The following CHST9 variants were observed in gnomAD, a reference collection of about 807,000 sequenced individuals.
CHST9 encodes the protein carbohydrate sulfotransferase 9.
CHST9 carries 41 observed loss-of-function variants against 44.4 expected under a neutral mutation model. That is an observed-to-expected ratio of 0.92 (90% CI 0.72 to 1.20). CHST9 has a LOEUF of 1.20. CHST9 is among the 50% of genes most tolerant of loss of function. The pLI is 0.00. For missense variants in CHST9, 504 were observed against 516.5 expected, an observed-to-expected ratio of 0.98 and a Z score of 0.23; for synonymous variants, 171 against 178.4, an observed-to-expected ratio of 0.96 and a Z score of 0.33.
chr18:27,158,115 T>A (rs2058712313), intron 1 of CHST9, among the ~76,000 whole-genome samples: 2 of 152,318 alleles, frequency 1.3e-5, no homozygotes, highest in African/African-American at 4.8e-5. Context: ...TTTGTTTTTT[T>A]AATTATACTT....
intron 4 of CHST9, among the ~76,000 whole-genome samples, chr18:27,008,611 C>T (rs2057045370): frequency 2.6e-5 from 4 of 152,108 alleles, no homozygotes; most frequent in Admixed American, 2.6e-4. Flanking sequence ...GTTGACAATC[C>T]TTAATTGGAA....
At chr18:27,067,016 T>A (rs1171382850) in intron 2 of CHST9, among the ~76,000 whole-genome samples, 1 of 152,164 alleles carries the variant, frequency 6.6e-6, no homozygotes, top group African/African-American at 2.4e-5. Flanking sequence ...AAGATAGAAT[T>A]ATCTATATTC....
chr18:27,077,014 G>A (rs996940825), intron 2 of CHST9, among the ~76,000 whole-genome samples: 19 of 152,064 alleles, frequency 1.2e-4, no homozygotes, highest in African/African-American at 1.9e-4. Flanking sequence ...ACTAGAAAAG[G>A]CAGTCCATCT....
intron 4 of CHST9, among the ~76,000 whole-genome samples, chr18:26,958,043 C>T (rs1370715787): frequency 8.0e-6 from 1 of 124,780 alleles, no homozygotes; most frequent in African/African-American, 2.7e-5. Flanking sequence ...TGCACCACCA[C>T]ACCTGGCTAA....
chr18:26,994,058 T>C (rs2056856581), intron 4 of CHST9, among the ~76,000 whole-genome samples: 2 of 152,218 alleles, frequency 1.3e-5, no homozygotes, highest in African/African-American at 4.8e-5. Flanking sequence ...TTGCCTCTTA[T>C]AAGAATGACT....
rs368326527 is a variant in CHST9, at chr18:26,917,299, G to C, written c.292C>G (p.Leu98Val). The change falls in exon 6 of 6, where the codon CTA becomes GTA. Residue 98 changes from leucine (L) to valine (V), a missense_variant. Leu to Val is a conservative substitution (Grantham distance 32). Coordinates refer to ENST00000618847, the MANE Select transcript of CHST9 (RefSeq NM_031422.6). The stretch of plus-strand genomic sequence containing the variant: ...CTAGTAGATCTCTCAGAATTGAGTA[G>C]AAGATTTTCCTTTTTTTCTCGTACA... ...EDVREKKENL[L>V]LNSERSTRLL... 6.2e-7 allele frequency: 1 copy of C among 1,612,774 alleles called. No individual in the cohort carries two copies. Among genetic ancestry groups the C allele is most frequent in the Admixed American group, 1.7e-5 (1 of 59,828 alleles).
At chr18:27,064,545 T>C (rs1468316273) in intron 2 of CHST9, among the ~76,000 whole-genome samples, 1 of 152,238 alleles carries the variant, frequency 6.6e-6, no homozygotes, top group Non-Finnish European at 1.5e-5. Context: ...GATGCCCTCA[T>C]GGATGGCGGA....
intron 4 of CHST9, among the ~76,000 whole-genome samples, chr18:27,008,200 G>C (rs1014216836): frequency 1.3e-5 from 2 of 152,164 alleles, no homozygotes; most frequent in Non-Finnish European, 2.9e-5. Flanking sequence ...GAAGATATCA[G>C]AGATAGATCT....
rs533390598 is a variant in CHST9, at chr18:26,916,514, C to T, written c.1077G>A (p.Pro359=). The part of the protein sequence containing the change: ...HWEKVSKLCY[P]CLINYDFVGK... The stretch of plus-strand genomic sequence containing the variant: ...CTACAAAATCATAGTTGATCAAACA[C>T]GGATAGCAGAGTTTGCTGACCTTTT... Residue 359 remains proline, a synonymous_variant, in exon 6 of 6, where the codon CCG becomes CCA. Coordinates refer to ENST00000618847, the MANE Select transcript of CHST9 (RefSeq NM_031422.6). 2.2e-5 allele frequency: 36 copies of T among 1,613,702 alleles called. No homozygotes were observed. Among genetic ancestry groups the T allele is most frequent in the African/African-American group, 1.1e-4 (8 of 74,898 alleles).
chr18:26,923,931 G>A (rs552689453), intron 5 of CHST9, among the ~76,000 whole-genome samples: 1 of 152,308 alleles, frequency 6.6e-6, no homozygotes, highest in African/African-American at 2.4e-5. Flanking sequence ...GCCAGAGATG[G>A]CAAGGGCTGT....
In CHST9 at chr18:27,142,937, A is replaced by G. The variant is rs550168881; in HGVS notation, c.-96-32T>C. 3 of 777,748 alleles carry G rather than the reference A, an allele frequency of 3.9e-6. No individual in the cohort carries two copies. The South Asian group carries it at 7.1e-5, about 18-fold the overall frequency. 48.2% of individuals were successfully genotyped at this position (777,748 alleles called of 1,614,324 possible). ...TTTTAAAAAGAAATCTACATTGTAC[A>G]TTTCTGCTAATATTAATTCTCAAAT... On this transcript the variant is annotated intron_variant, in intron 1 of 5. Coordinates refer to ENST00000618847, the MANE Select transcript of CHST9 (RefSeq NM_031422.6).
intron 2 of CHST9, among the ~76,000 whole-genome samples, chr18:27,105,775 G>C (rs2058215547): frequency 6.6e-6 from 1 of 152,026 alleles, no homozygotes; most frequent in Non-Finnish European, 1.5e-5. Flanking sequence ...ATTTGGACCA[G>C]AAATGTGCTT....
chr18:26,969,376 C>CTGTGTGTGTG lies in CHST9; in HGVS notation c.203-25020_203-25011dup, dbSNP rs1208856677. Among the ~76,000 whole-genome samples, 361 of 95,678 alleles carry CTGTGTGTGTG rather than the reference C, an allele frequency of 3.8e-3. 1 individual carries two copies. Among genetic ancestry groups the CTGTGTGTGTG allele is most frequent in the African/African-American group, 9.2e-3 (315 of 34,296 alleles). The allele number at this position is 95,678 out of a possible 152,430, so 62.8% of individuals were successfully genotyped here. A position where few individuals can be genotyped will look rare whatever the true frequency, so the allele number is the denominator to read the frequency against. On this transcript the variant is annotated intron_variant, in intron 4 of 5. Transcript: ENST00000618847. ...CTTTTTTGATTCTCTCTCTCTCTCT[C>CTGTGTGTGTG]TGTGTGTGTGTGTGTGTGTGTGTGT...
intron 5 of CHST9, among the ~76,000 whole-genome samples, chr18:26,927,451 A>G (rs1486643920): frequency 6.6e-6 from 1 of 152,212 alleles, no homozygotes; most frequent in South Asian, 2.1e-4. Context: ...ATTGATTATT[A>G]TCTCTACCAT....
At chr18:26,951,011 A>G (rs1413159133) in intron 4 of CHST9, among the ~76,000 whole-genome samples, 1 of 152,240 alleles carries the variant, frequency 6.6e-6, no homozygotes, top group African/African-American at 2.4e-5. Context: ...CCGGCAGATT[A>G]AGTGGAGAGT....
chr18:27,018,632 A>T (rs2057183241), intron 4 of CHST9, among the ~76,000 whole-genome samples: 1 of 152,180 alleles, frequency 6.6e-6, no homozygotes, highest in Non-Finnish European at 1.5e-5. Context: ...TTAGGCTACA[A>T]ATCTGAAGAT....
At chr18:27,179,560 G>C (rs1198913505) in intron 1 of CHST9, among the ~76,000 whole-genome samples, 1 of 152,082 alleles carries the variant, frequency 6.6e-6, no homozygotes, top group East Asian at 1.9e-4. Flanking sequence ...GGTGGTGGTA[G>C]TGGTGGTGTG....
chr18:26,971,701 A>G (rs2056545213), intron 4 of CHST9, among the ~76,000 whole-genome samples: 2 of 152,180 alleles, frequency 1.3e-5, no homozygotes, highest in Non-Finnish European at 2.9e-5. Context: ...AGCAGCACGC[A>G]TCCCTTCTGC....
At chr18:26,951,860 T>C (rs2056252273) in intron 4 of CHST9, among the ~76,000 whole-genome samples, 1 of 152,150 alleles carries the variant, frequency 6.6e-6, no homozygotes, top group Non-Finnish European at 1.5e-5. Context: ...GAGAACACCA[T>C]ACACATCACC....
Sources: allele counts gnomAD v4.1 joint callset (sites outside exome capture counted in the v4.1 genomes callset), GRCh38; gene constraint gnomAD v4.1.1; transcripts MANE v1.5; gene names NCBI Gene and HGNC (gene_info 2026-07-23, HGNC 2026-07-21).